ACTR3C: variants seen among roughly 807,000 people sequenced by gnomAD.
The protein encoded by ACTR3C is actin related protein 3C.
Under a neutral mutation model 26.3 loss-of-function variants are expected in ACTR3C, and 18 were observed. That is an observed-to-expected ratio of 0.68 (90% CI 0.47 to 1.01). The LOEUF (loss-of-function observed/expected upper bound fraction) is 1.01, where lower values mean the gene tolerates loss of function less well. Ranked by LOEUF, ACTR3C falls within the 50% of genes least tolerant of loss-of-function variation. ACTR3C has a pLI of 0.00. For missense variants in ACTR3C, 184 were observed against 250.7 expected (o/e 0.73, Z 1.80); for synonymous variants, 55 against 94.5 (o/e 0.58, Z 2.42).
the ACTR3C span, among the ~76,000 whole-genome samples, chr7:150,039,520 C>A: frequency 1.1e-5 from 1 of 87,480 alleles, no homozygotes. Context: ...GGGGGTGCCT[C>A]CCCCTCCTGC....
At chr7:150,051,923 G>A in the ACTR3C span, among the ~76,000 whole-genome samples, 1 of 152,208 alleles carries the variant, frequency 6.6e-6, no homozygotes, top group Non-Finnish European at 1.5e-5. Flanking sequence ...TAGCTAAAAG[G>A]TTTTCTTATT....
At chr7:150,076,479 A>G in the ACTR3C span, 4 of 152,184 alleles carry the variant, frequency 2.6e-5, no homozygotes, top group Admixed American at 2.6e-4. Context: ...TGCCAGCTTT[A>G]GTCGTTTAAT....
the ACTR3C span, among the ~76,000 whole-genome samples, chr7:150,168,972 T>A: frequency 4.6e-5 from 7 of 150,818 alleles, 1 homozygote; most frequent in African/African-American, 1.7e-4. Context: ...TGCCTAAAAT[T>A]TATATATTGA....
intron 6 of ACTR3C, among the ~76,000 whole-genome samples, chr7:150,267,123 T>C (rs10275221): frequency 0.12 from 18,790 of 151,850 alleles, 1,982 homozygotes; most frequent in African/African-American, 0.27. Flanking sequence ...TGTGGCACAG[T>C]CGCTCGCTGA....
intron 1 of ACTR3C, among the ~76,000 whole-genome samples, chr7:150,307,513 C>T (rs1342016382): frequency 2.0e-5 from 3 of 152,220 alleles, no homozygotes. Context: ...TGACCCCCTC[C>T]TCTGCTAACA....
chr7:150,063,682 G>A, the ACTR3C span, among the ~76,000 whole-genome samples: 3 of 151,762 alleles, frequency 2.0e-5, no homozygotes, highest in African/African-American at 4.9e-5. Context: ...TATTGTAGTT[G>A]TGAATATTAT....
the ACTR3C span, among the ~76,000 whole-genome samples, chr7:150,199,034 G>A: frequency 8.9e-5 from 13 of 146,160 alleles, no homozygotes; most frequent in South Asian, 1.3e-3. Flanking sequence ...GGTGAGGGGC[G>A]CCTCTGCCCG....
the ACTR3C span, among the ~76,000 whole-genome samples, chr7:149,913,213 C>T: frequency 5.5e-4 from 83 of 152,222 alleles, no homozygotes; most frequent in Middle Eastern, 3.4e-3. Flanking sequence ...GTTAACATCA[C>T]AGCTCAATGC....
the ACTR3C span, among the ~76,000 whole-genome samples, chr7:150,223,209 A>G: frequency 6.6e-6 from 1 of 152,190 alleles, no homozygotes; most frequent in Non-Finnish European, 1.5e-5. Context: ...CACTGAATGC[A>G]ATGTTTATGA....
chr7:150,013,476 G>C, the ACTR3C span, among the ~76,000 whole-genome samples: 1 of 152,212 alleles, frequency 6.6e-6, no homozygotes, highest in African/African-American at 2.4e-5. Context: ...GGAAGAACAT[G>C]GAAATATCCA....
the ACTR3C span, among the ~76,000 whole-genome samples, chr7:150,156,091 C>A: frequency 6.6e-6 from 1 of 150,478 alleles, no homozygotes; most frequent in Non-Finnish European, 1.5e-5. Flanking sequence ...GTCTCCACAG[C>A]CTTCCCTGTC....
chr7:150,199,085 G>GCCC, the ACTR3C span, among the ~76,000 whole-genome samples: 3,754 of 146,004 alleles, frequency 0.026, 204 homozygotes, highest in African/African-American at 0.098. Context: ...CTGCCCGGCC[G>GCCC]CCCCCCCGTC....
the ACTR3C span, among the ~76,000 whole-genome samples, chr7:150,229,516 A>C: frequency 6.6e-6 from 1 of 151,380 alleles, no homozygotes; most frequent in East Asian, 2.0e-4. Flanking sequence ...ATTGAGTTTC[A>C]CTCTGTCACC....
chr7:150,232,856 T>C, the ACTR3C span, among the ~76,000 whole-genome samples: 3 of 151,680 alleles, frequency 2.0e-5, no homozygotes, highest in Admixed American at 6.6e-5. Context: ...ATTTTAATGG[T>C]AGCCTGAGTT....
chr7:149,982,601 G>A, the ACTR3C span, among the ~76,000 whole-genome samples: 8 of 152,046 alleles, frequency 5.3e-5, no homozygotes, highest in Admixed American at 5.2e-4. Context: ...CCATGATTCT[G>A]CCATGGATAA....
At chr7:149,964,673 CT>C in the ACTR3C span, among the ~76,000 whole-genome samples, 4 of 152,198 alleles carry the variant, frequency 2.6e-5, no homozygotes, top group African/African-American at 9.7e-5. Flanking sequence ...TCGAAAACCT[CT>C]CTTGATTTAT....
At chr7:149,931,893 A>AT in the ACTR3C span, among the ~76,000 whole-genome samples, 1 of 152,252 alleles carries the variant, frequency 6.6e-6, no homozygotes, top group Non-Finnish European at 1.5e-5. Context: ...CAATATTTTC[A>AT]AACACAATTT....
the ACTR3C span, among the ~76,000 whole-genome samples, chr7:149,914,424 T>C: frequency 0.98 from 148,422 of 151,882 alleles, 72,612 homozygotes; most frequent in East Asian, 1. Flanking sequence ...AACCCCATCT[T>C]TATACTAAAA....
At chr7:150,163,630 T>C in the ACTR3C span, among the ~76,000 whole-genome samples, 1 of 152,010 alleles carries the variant, frequency 6.6e-6, no homozygotes, top group African/African-American at 2.4e-5. Flanking sequence ...GAATCTGCCA[T>C]CTGCAGACTG....
Sources: allele counts gnomAD v4.1 joint callset (sites outside exome capture counted in the v4.1 genomes callset), GRCh38; gene constraint gnomAD v4.1.1; transcripts MANE v1.5; gene names NCBI Gene and HGNC (gene_info 2026-07-23, HGNC 2026-07-21).